Variants in UTRN observed in about 807,000 individuals in gnomAD.
UTRN encodes utrophin, also known as dystrophin-related protein 1.
Under a neutral mutation model 463.9 loss-of-function variants are expected in UTRN, and 283 were observed. That is an observed-to-expected ratio of 0.61 (90% CI 0.55 to 0.67). The LOEUF (loss-of-function observed/expected upper bound fraction) is 0.67, where lower values mean the gene tolerates loss of function less well. Ranked by LOEUF, UTRN falls within the 30% of genes least tolerant of loss-of-function variation. The pLI is 0.00. For missense variants in UTRN, 3,922 were observed against 4,084.3 expected (o/e 0.96, Z 1.08); for synonymous variants, 1,442 against 1,431.5 (o/e 1.01, Z -0.17).
chr6:144,339,512 G>C (rs148287003), intron 2 of UTRN, among the ~76,000 whole-genome samples: 142 of 152,042 alleles, frequency 9.3e-4, no homozygotes, highest in African/African-American at 3.1e-3. Flanking sequence ...GGTAATATTT[G>C]AGGAAGTTGG....
chr6:144,752,055 G>A (rs1791459118), intron 56 of UTRN, 103 bp downstream of exon 56: 2 of 1,191,222 alleles, frequency 1.7e-6, no homozygotes, highest in East Asian at 2.8e-5. Flanking sequence ...CTTTGCTGAT[G>A]GTATTTGATA....
At chr6:144,521,577 A>T (rs1796094181) in intron 39 of UTRN, among the ~76,000 whole-genome samples, 2 of 152,198 alleles carry the variant, frequency 1.3e-5, no homozygotes, top group African/African-American at 4.8e-5. Flanking sequence ...GTCCAATTTT[A>T]AAATTGTGAT....
At chr6:144,470,390 G>T (rs1790441757) in intron 23 of UTRN, among the ~76,000 whole-genome samples, 1 of 151,644 alleles carries the variant, frequency 6.6e-6, no homozygotes, top group African/African-American at 2.4e-5. Flanking sequence ...ACCAGATGGG[G>T]TGGCTGCTGG....
chr6:144,308,907 A>G (rs1050548411), intron 2 of UTRN, among the ~76,000 whole-genome samples: 9 of 152,196 alleles, frequency 5.9e-5, no homozygotes, highest in Admixed American at 2.0e-4. Flanking sequence ...CAAAGATTGT[A>G]TGTACCAACA....
intron 51 of UTRN, among the ~76,000 whole-genome samples, chr6:144,666,816 A>G (rs1204091997): frequency 2.0e-5 from 3 of 152,164 alleles, no homozygotes; most frequent in Admixed American, 6.5e-5. Context: ...GGAACTGCTT[A>G]TCATCCTTGG....
At chr6:144,841,143 G>A (rs771081133) in intron 73 of UTRN, among the ~76,000 whole-genome samples, 10 of 152,176 alleles carry the variant, frequency 6.6e-5, no homozygotes, top group Non-Finnish European at 1.3e-4. Context: ...TTCGATGCAA[G>A]CTATCATAAG....
intron 65 of UTRN, among the ~76,000 whole-genome samples, chr6:144,812,493 G>A (rs1359007730): frequency 6.6e-6 from 1 of 152,122 alleles, no homozygotes; most frequent in Non-Finnish European, 1.5e-5. Flanking sequence ...ATAGATTTCA[G>A]CATAAAGTAA....
At chr6:144,580,505 G>T (rs1801871941) in intron 51 of UTRN, among the ~76,000 whole-genome samples, 2 of 152,152 alleles carry the variant, frequency 1.3e-5, no homozygotes, top group African/African-American at 4.8e-5. Context: ...TAACTTTTGG[G>T]AGTATGCTAT....
chr6:144,809,240 CT>C (rs1554402551), intron 65 of UTRN, among the ~76,000 whole-genome samples: 1 of 152,052 alleles, frequency 6.6e-6, no homozygotes. Context: ...TTTAGAATAG[CT>C]ACTAGGGTCA....
intron 4 of UTRN, among the ~76,000 whole-genome samples, chr6:144,422,721 A>T (rs548552627): frequency 6.6e-6 from 1 of 152,264 alleles, no homozygotes; most frequent in Admixed American, 6.5e-5. Flanking sequence ...CTATTATTTT[A>T]TGTGTGGGGT....
chr6:144,480,344 T>G (rs1325477052), intron 26 of UTRN, among the ~76,000 whole-genome samples: 1 of 152,212 alleles, frequency 6.6e-6, no homozygotes, highest in Non-Finnish European at 1.5e-5. Flanking sequence ...GTCAGCTTAA[T>G]TTTTAAGTGC....
intron 51 of UTRN, among the ~76,000 whole-genome samples, chr6:144,598,810 C>T (rs1251324862): frequency 2.6e-5 from 4 of 152,190 alleles, no homozygotes; most frequent in Non-Finnish European, 5.9e-5. Context: ...TGTCCAACCA[C>T]CCATTCCCAT....
rs193088025 is a variant in UTRN at position 144,642,720 on chromosome 6, C to A, written c.7480-35686C>A. Among the ~76,000 whole-genome samples, 258 of 152,100 alleles carry A rather than the reference C, an allele frequency of 1.7e-3. 1 individual carries two copies. The highest frequency in any genetic ancestry group is 3.4e-4 in the Non-Finnish European group (23 of 67,976). On this transcript the variant is annotated intron_variant, in intron 51 of 74. Coordinates refer to ENST00000367545, the MANE Select transcript of UTRN (RefSeq NM_007124.3). ...GCCCAAGAAGGAGGAGATTTTTTTTCCCCAGTAGGGCGGTTGTTTTATTTT... is the reference window on the plus strand; with the variant it reads ...GCCCAAGAAGGAGGAGATTTTTTTTACCCAGTAGGGCGGTTGTTTTATTTT...
At chr6:144,628,114 T>A (rs1244960669) in intron 51 of UTRN, among the ~76,000 whole-genome samples, 1 of 152,136 alleles carries the variant, frequency 6.6e-6, no homozygotes, top group East Asian at 1.9e-4. Flanking sequence ...TCTTCTTTTT[T>A]AAGGCTAATT....
At chr6:144,304,841 T>C (rs73585083) in intron 2 of UTRN, among the ~76,000 whole-genome samples, 9,182 of 152,106 alleles carry the variant, frequency 0.06, 906 homozygotes, top group African/African-American at 0.21. Context: ...TTTTTAAAAT[T>C]CTGAAGTATT....
In UTRN at chr6:144,451,471, C is replaced by G. The variant is rs1191745346; in HGVS notation, c.2174C>G (p.Ser725Cys). 1 of 1,609,604 alleles carries G rather than the reference C, an allele frequency of 6.2e-7. No homozygotes were observed. The highest frequency in any genetic ancestry group is 8.5e-7 in the Non-Finnish European group (1 of 1,178,718). The part of the protein sequence containing the change: ...IKEYMKMQDT[S>C]EMKKKLKALE... ...GAGTATATGAAGATGCAAGACACTT[C>G]CGAAATGAAAAAGAAGTTGAAGGTA... Residue 725 changes from serine (S) to cysteine (C), a missense_variant, in exon 18 of 75, where the codon TCC becomes TGC. This residue lies in a region of UTRN where 2,349 missense variants were observed against 2,303.8 expected (regional missense o/e 1.02). Coordinates refer to ENST00000367545, the MANE Select transcript of UTRN (RefSeq NM_007124.3).
rs1242285554 is a variant in UTRN, at chr6:144,482,386, G to C, written c.3685G>C (p.Glu1229Gln). The C allele has an allele frequency of 2.6e-6, 4 of 1,545,368 alleles. No individual in the cohort carries two copies. Among genetic ancestry groups the C allele is most frequent in the East Asian group, 4.8e-5 (2 of 41,836 alleles). ...NRIRGKCHTL[E>Q]EVWSCWIELL... is the part of the protein sequence containing the mutation. ...AATTCGAGGAAAGTGCCACACGCTA[G>C]AGGTATGCTATTATTATTATTGTTG... is the stretch of plus-strand genomic sequence containing the variant. The change falls in exon 27 of 75, where the codon GAG becomes CAG. Residue 1229 changes from glutamate to glutamine, a missense_variant and splice_region_variant. Around this residue, in one of 3 missense-constraint regions of UTRN, gnomAD observed 2,349 missense variants for 2,303.8 expected, o/e 1.02. Transcript: ENST00000367545.
At chr6:144,341,887 G>T (rs1371815157) in intron 2 of UTRN, among the ~76,000 whole-genome samples, 1 of 152,194 alleles carries the variant, frequency 6.6e-6, no homozygotes, top group Non-Finnish European at 1.5e-5. Flanking sequence ...AACCCATACA[G>T]CTGTACCAGG....
In UTRN at chr6:144,850,984, C is replaced by G; in HGVS notation, c.10294-5C>G. On this transcript the variant is annotated splice_region_variant and splice_polypyrimidine_tract_variant and intron_variant, in intron 74 of 74. Transcript: ENST00000367545. ...TTCTGACAGTGCTATTTTCCCTTCC[C>G]ATAGGCAATGTGAAGTATTCATCCG... 1.9e-6 allele frequency: 3 copies of G among 1,613,638 alleles called. No individual in the cohort carries two copies. Among genetic ancestry groups the G allele is most frequent in the Middle Eastern group, 1.6e-4 (1 of 6,062 alleles).
Sources: allele counts gnomAD v4.1 joint callset (sites outside exome capture counted in the v4.1 genomes callset), GRCh38; gene constraint gnomAD v4.1.1; regional missense constraint gnomAD v4.1.1; transcripts MANE v1.5; gene names NCBI Gene and HGNC (gene_info 2026-07-23, HGNC 2026-07-21).